Variants in LIMS1 observed in about 807,000 individuals in gnomAD.
LIMS1 encodes LIM zinc finger domain containing 1.
In LIMS1, 18 loss-of-function variants were observed where a neutral mutation model predicts 44.1. That is an observed-to-expected ratio of 0.41 (90% confidence interval 0.28 to 0.61). The LOEUF is 0.61. Ranked by LOEUF, LIMS1 falls within the 20% of genes least tolerant of loss-of-function variation. The probability of loss-of-function intolerance (pLI) is 0.32; values close to 1 mark genes in which losing one functional copy is unlikely to be tolerated. For missense variants in LIMS1, 201 were observed against 422.0 expected (o/e 0.48, Z 4.59); for synonymous variants, 93 against 149.1 (o/e 0.62, Z 2.74).
At chr2:108,538,258 A>G (rs1306244331) in intron 1 of LIMS1, among the ~76,000 whole-genome samples, 1 of 152,216 alleles carries the variant, frequency 6.6e-6, no homozygotes, top group Non-Finnish European at 1.5e-5. Flanking sequence ...TCTTTCTGAT[A>G]TAATCTCATC....
At chr2:108,551,812 G>C (rs898640769) in intron 1 of LIMS1, among the ~76,000 whole-genome samples, 10 of 142,722 alleles carry the variant, frequency 7.0e-5, no homozygotes, top group Non-Finnish European at 1.4e-4. Context: ...ATATGTATAT[G>C]ATATACAATA....
At chr2:108,592,130 T>C (rs1238609352) in intron 1 of LIMS1, among the ~76,000 whole-genome samples, 2 of 152,072 alleles carry the variant, frequency 1.3e-5, no homozygotes, top group Admixed American at 6.6e-5. Context: ...CTTACAGTGA[T>C]TTTAAATTGG....
intron 1 of LIMS1, among the ~76,000 whole-genome samples, chr2:108,605,668 T>C (rs1687234288): frequency 1.3e-5 from 2 of 152,206 alleles, no homozygotes; most frequent in African/African-American, 4.8e-5. Context: ...TTGGACTTAG[T>C]GATGCCCCAC....
intron 1 of LIMS1, among the ~76,000 whole-genome samples, chr2:108,562,672 G>A (rs899421708): frequency 6.6e-6 from 1 of 152,170 alleles, no homozygotes; most frequent in East Asian, 1.9e-4. Flanking sequence ...AAAGATCTCC[G>A]AAACATAAAA....
chr2:108,543,523 T>C (rs1479921878), intron 1 of LIMS1, among the ~76,000 whole-genome samples: 1 of 152,176 alleles, frequency 6.6e-6, no homozygotes, highest in African/African-American at 2.4e-5. Context: ...AGGACCCTTT[T>C]AGGATTAAAC....
Position 108,604,589 on chromosome 2 carries a change from T to C in LIMS1, c.33-55016T>C, listed in dbSNP as rs115341823. Among the ~76,000 whole-genome samples, 621 of 152,354 alleles carry C rather than the reference T, an allele frequency of 4.1e-3. 4 individuals are homozygous for C. The highest frequency in any genetic ancestry group is 0.014 in the African/African-American group (588 of 41,576). ...ATAGAAATGACTGGATATTAACATA[T>C]TTTAATTACCTTAAAACAAGTCTTG... On this transcript the variant is annotated intron_variant, in intron 1 of 9. Transcript: ENST00000544547.
rs10598934 is a variant in LIMS1, at chr2:108,551,953, G to GTATATATA, written c.32+17371_32+17378dup. 1.5e-3 allele frequency among the ~76,000 whole-genome samples: 132 copies of GTATATATA among 85,314 alleles called. 1 individual carries two copies. The highest frequency in any genetic ancestry group is 3.7e-3 in the African/African-American group (108 of 29,390). The allele number at this position is 85,314 out of a possible 152,430, so 56.0% of individuals were successfully genotyped here. On this transcript the variant is annotated intron_variant, in intron 1 of 9. Transcript: ENST00000544547. ...TATGTGTGTGTGTGTGTGTGTGTGT[G>GTATATATA]TATATATATATATATATATGTATAT...
Position 108,662,186 on chromosome 2 carries a change from A to T in LIMS1, c.192+2422A>T, listed in dbSNP as rs775670846. The T allele has an allele frequency of 2.3e-5, 37 of 1,611,896 alleles. No individual in the cohort carries two copies. In the Admixed American group the frequency reaches 6.0e-4, roughly 26 times the overall value. On this transcript the variant is annotated intron_variant, in intron 2 of 9. Transcript: ENST00000544547. ...TCCCCTGTGAGCACCCTGTAGCTCC[A>T]GCCCTCCGTCACCTTCTTTCTCCCA...
chr2:108,608,217 T>G (rs1042034402), intron 1 of LIMS1, among the ~76,000 whole-genome samples: 7 of 152,222 alleles, frequency 4.6e-5, no homozygotes, highest in Non-Finnish European at 2.9e-5. Flanking sequence ...CATTTATGTA[T>G]TCTTAACAGT....
chr2:108,534,515 C>G, exon 1 of LIMS1: 1 of 1,191,950 alleles, frequency 8.4e-7, no homozygotes. Context: ...GCTGGAGCGG[C>G]GCCGGGAGAC....
At chr2:108,567,667 G>A (rs1418675963) in intron 1 of LIMS1, among the ~76,000 whole-genome samples, 1 of 152,116 alleles carries the variant, frequency 6.6e-6, no homozygotes, top group South Asian at 2.1e-4. Flanking sequence ...TGCTTCCTGG[G>A]TTCAAGCGAT....
intron 1 of LIMS1, among the ~76,000 whole-genome samples, chr2:108,559,637 C>G (rs763530433): frequency 2.0e-5 from 3 of 152,188 alleles, no homozygotes; most frequent in Non-Finnish European, 2.9e-5. Flanking sequence ...CTATTACCCT[C>G]TCCCTCAAAT....
chr2:108,552,764 G>C (rs1368671194), intron 1 of LIMS1, among the ~76,000 whole-genome samples: 1 of 151,866 alleles, frequency 6.6e-6, no homozygotes, highest in Non-Finnish European at 1.5e-5. Context: ...TTTTTGTAGA[G>C]ATAAGGTTGC....
intron 1 of LIMS1, among the ~76,000 whole-genome samples, chr2:108,657,735 T>C (rs1446135817): frequency 6.6e-6 from 1 of 152,304 alleles, no homozygotes; most frequent in Non-Finnish European, 1.5e-5. Flanking sequence ...TCTCCCTTCC[T>C]TCCTTTTTTT....
chr2:108,597,713 C>T (rs1458186797), intron 1 of LIMS1, among the ~76,000 whole-genome samples: 5 of 43,900 alleles, frequency 1.1e-4, no homozygotes, highest in African/African-American at 1.4e-4. Flanking sequence ...TTTTTTTTTG[C>T]GACAGAGTCT....
intron 1 of LIMS1, among the ~76,000 whole-genome samples, chr2:108,657,434 C>T (rs1457072634): frequency 2.0e-5 from 3 of 152,418 alleles, no homozygotes; most frequent in Admixed American, 2.0e-4. Flanking sequence ...ATACTTTTTC[C>T]TCAGAACAAT....
chr2:108,548,185 C>T (rs1684552240), intron 1 of LIMS1, among the ~76,000 whole-genome samples: 1 of 152,030 alleles, frequency 6.6e-6, no homozygotes, highest in Non-Finnish European at 1.5e-5. Context: ...ATATCTAGGA[C>T]ACTAGGTTAC....
At chr2:108,642,257 T>C (rs1361422743) in intron 1 of LIMS1, among the ~76,000 whole-genome samples, 1 of 152,128 alleles carries the variant, frequency 6.6e-6, no homozygotes, top group African/African-American at 2.4e-5. Flanking sequence ...GTTTGGCTTT[T>C]AAATCCTACA....
chr2:108,687,168 T>C (rs1197687663), exon 10 of LIMS1: 1 of 152,202 alleles, frequency 6.6e-6, no homozygotes, highest in African/African-American at 2.4e-5. Flanking sequence ...GGATACTATA[T>C]TGGTAATTAT....
Sources: allele counts gnomAD v4.1 joint callset (sites outside exome capture counted in the v4.1 genomes callset), GRCh38; gene constraint gnomAD v4.1.1; transcripts MANE v1.5; gene names NCBI Gene and HGNC (gene_info 2026-07-23, HGNC 2026-07-21).